Variants in PRKDC observed in about 807,000 individuals in gnomAD.
PRKDC encodes protein kinase, DNA-activated, catalytic subunit, also known as DNA-dependent protein kinase catalytic subunit.
PRKDC carries 82 observed loss-of-function variants against 486.9 expected under a neutral mutation model. The ratio of observed to expected loss-of-function variants is 0.17; its 90% confidence interval spans 0.14 to 0.20. PRKDC has a LOEUF of 0.20. Ranked by LOEUF, PRKDC falls within the 10% of genes least tolerant of loss-of-function variation. The pLI is 1.00. For missense variants in PRKDC, 4,504 were observed against 5,038.2 expected (o/e 0.89, Z 3.21); for synonymous variants, 1,895 against 1,837.0 (o/e 1.03, Z -0.81).
At chr8:47,954,911 T>C (rs2090677447) in intron 4 of PRKDC, among the ~76,000 whole-genome samples, 1 of 152,146 alleles carries the variant, frequency 6.6e-6, no homozygotes, top group East Asian at 1.9e-4. Context: ...ATCCTAGCAC[T>C]TTGGGAGGCC....
At chr8:47,796,670 G>A (rs1330760283) in intron 73 of PRKDC, among the ~76,000 whole-genome samples, 2 of 151,740 alleles carry the variant, frequency 1.3e-5, no homozygotes, top group Non-Finnish European at 1.5e-5. Flanking sequence ...CGCCACCTCG[G>A]CTCACTGCAA....
At chr8:47,853,617 C>T (rs896426403) in intron 51 of PRKDC, among the ~76,000 whole-genome samples, 84 of 152,276 alleles carry the variant, frequency 5.5e-4, no homozygotes, top group Non-Finnish European at 2.6e-4. Flanking sequence ...CAGCCCTCAC[C>T]GTCAGAGAGC....
intron 25 of PRKDC, among the ~76,000 whole-genome samples, chr8:47,907,313 T>C (rs1308787002): frequency 6.7e-5 from 10 of 148,238 alleles, no homozygotes; most frequent in African/African-American, 2.4e-4. Flanking sequence ...GTGCTGGGAT[T>C]ACAGGCGTGA....
At chr8:47,896,985 C>T (rs2089593463) in intron 30 of PRKDC, among the ~76,000 whole-genome samples, 176 bp downstream of exon 30, 1 of 152,216 alleles carries the variant, frequency 6.6e-6, no homozygotes, top group Admixed American at 6.5e-5. Flanking sequence ...CTGGCAATTT[C>T]TTATTAATCA....
intron 21 of PRKDC, among the ~76,000 whole-genome samples, chr8:47,920,150 A>G (rs1171046803): frequency 6.6e-6 from 1 of 152,306 alleles, no homozygotes; most frequent in African/African-American, 2.4e-5. Flanking sequence ...CTGTCAATAA[A>G]TATGTGGGTA....
intron 21 of PRKDC, among the ~76,000 whole-genome samples, chr8:47,919,659 TAAGA>T (rs2090042300): frequency 6.6e-6 from 1 of 151,810 alleles, no homozygotes; most frequent in African/African-American, 2.4e-5. Flanking sequence ...TTCCTTTCTA[TAAGA>T]TGTTAAAGAG....
chr8:47,943,170 G>A, intron 10 of PRKDC, 39 bp downstream of exon 10: 1 of 1,594,226 alleles, frequency 6.3e-7, no homozygotes, highest in South Asian at 1.1e-5. Context: ...TTCTGTGTGT[G>A]AAAGAAATAT....
chr8:47,853,934 T>C (rs2088475500), intron 51 of PRKDC, 149 bp downstream of exon 51: 8 of 1,030,292 alleles, frequency 7.8e-6, no homozygotes, highest in Non-Finnish European at 1.1e-5. Flanking sequence ...TCAAACGTGT[T>C]AGAATTACAG....
chr8:47,799,504 T>C (rs950230227), intron 71 of PRKDC, 114 bp from the exon 72 acceptor site: 2 of 1,035,660 alleles, frequency 1.9e-6, no homozygotes, highest in African/African-American at 1.6e-5. Flanking sequence ...AAAATAACAC[T>C]GAAGCTATGG....
Position 47,863,432 on chromosome 8 carries a change from G to A in PRKDC, c.5717C>T (p.Thr1906Ile), listed in dbSNP as rs1563773411. The change falls in exon 42 of 86, where the codon ACA becomes ATA. Residue 1906 changes from threonine (T) to isoleucine (I), a missense_variant. This residue lies in a region of PRKDC where 80 missense variants were observed against 132.3 expected (regional missense o/e 0.60). Transcript: ENST00000314191. ...INQVFHGSCI[T>I]EGNELTKTLI... is the part of the protein sequence containing the mutation. The stretch of plus-strand genomic sequence containing the variant: ...TGTCTTTGTAAGTTCATTTCCTTCT[G>A]TAATACACGAGCCATGGAAAACTTG... 3 of 1,610,464 alleles carry A rather than the reference G, an allele frequency of 1.9e-6. No homozygotes were observed. The highest frequency in any genetic ancestry group is 2.5e-6 in the Non-Finnish European group (3 of 1,178,400).
In PRKDC at chr8:47,836,503, G is replaced by A. The variant is rs756717665; in HGVS notation, c.7786C>T (p.Arg2596Cys). 12 of 1,604,252 alleles carry A rather than the reference G, an allele frequency of 7.5e-6. No individual in the cohort carries two copies. Among genetic ancestry groups the A allele is most frequent in the Non-Finnish European group, 9.4e-6 (11 of 1,175,258 alleles). ...GGAGTGAGAACAGTACTTCGGAAAC[G>A]CCAATCAGAATCAATGGTATATTCC... ...FQEYTIDSDW[R>C]FRSTVLTPMF... is the part of the protein sequence containing the mutation. Residue 2596 changes from arginine (R) to cysteine (C), a missense_variant, in exon 58 of 86, where the codon CGT becomes TGT. This residue lies in a region of PRKDC where 1,592 missense variants were observed against 1,724.6 expected (regional missense o/e 0.92). Transcript: ENST00000314191.
At chr8:47,778,410 TATG>T in intron 83 of PRKDC, 46 bp downstream of exon 83, 2 of 1,570,700 alleles carry the variant, frequency 1.3e-6, no homozygotes, top group Non-Finnish European at 1.7e-6. Flanking sequence ...TTGAAAGTCC[TATG>T]ATGACTCTCG....
chr8:47,792,290 GCT>G (rs1315078034), intron 74 of PRKDC, among the ~76,000 whole-genome samples: 1 of 130,988 alleles, frequency 7.6e-6, no homozygotes, highest in African/African-American at 2.9e-5. Flanking sequence ...ACAGAGTTTT[GCT>G]CTGTCACCCA....
intron 27 of PRKDC, among the ~76,000 whole-genome samples, chr8:47,902,253 G>T (rs2089699399): frequency 6.6e-6 from 1 of 152,004 alleles, no homozygotes; most frequent in South Asian, 2.1e-4. Context: ...ATAAACCCTA[G>T]CAAGAGGCCA....
chr8:47,881,495 G>C lies in PRKDC; in HGVS notation c.4988C>G (p.Thr1663Arg). The C allele has an allele frequency of 6.4e-7, 1 of 1,552,374 alleles. No homozygotes were observed. Among genetic ancestry groups the C allele is most frequent in the Non-Finnish European group, 8.8e-7 (1 of 1,135,698 alleles). Residue 1663 changes from threonine (T) to arginine (R), a missense_variant, in exon 38 of 86, where the codon ACA (threonine) becomes AGA (arginine). Thr to Arg is a moderately conservative substitution (Grantham distance 71). Transcript: ENST00000314191. ...LQIDSSVSFN[T>R]SHGSFPEVFT... ...GACTTCAGGGAATGAACCATGACTT[G>C]TATTAAAAGATACAGATGAATCAAT...
chr8:47,934,163 G>C, intron 14 of PRKDC, 73 bp from the exon 15 acceptor site: 13 of 1,476,034 alleles, frequency 8.8e-6, no homozygotes, highest in Non-Finnish European at 1.2e-5. Context: ...GAACATGCTG[G>C]TTTTCAGAAT....
At chr8:47,815,028 T>C (rs1409490818) in intron 68 of PRKDC, among the ~76,000 whole-genome samples, 2 of 152,018 alleles carry the variant, frequency 1.3e-5, no homozygotes, top group East Asian at 1.9e-4. Context: ...TAGCCAGGCA[T>C]GGTGGCGCAC....
chr8:47,815,836 C>T (rs1363913199), intron 68 of PRKDC, among the ~76,000 whole-genome samples: 1 of 152,170 alleles, frequency 6.6e-6, no homozygotes, highest in African/African-American at 2.4e-5. Flanking sequence ...TGTCTCAAAG[C>T]AGCTCCTACA....
intron 40 of PRKDC, among the ~76,000 whole-genome samples, chr8:47,873,403 G>A (rs1352294204): frequency 6.6e-6 from 1 of 152,102 alleles, no homozygotes; most frequent in Non-Finnish European, 1.5e-5. Context: ...AGCTGGGCAA[G>A]GTGGCACTCA....
Sources: gnomAD v4.1 joint callset for allele counts (sites outside exome capture counted in the v4.1 genomes callset) on GRCh38, gnomAD v4.1.1 for gene constraint, gnomAD v4.1.1 regional missense constraint, MANE v1.5 for transcripts, NCBI Gene and HGNC (gene_info 2026-07-23, HGNC 2026-07-21) for gene names.